The following CDKL5 variants were observed in gnomAD, a reference collection of about 807,000 sequenced individuals.
CDKL5 encodes the protein cyclin dependent kinase like 5.
Under a neutral mutation model 61.7 loss-of-function variants are expected in CDKL5, and 8 were observed. The observed-to-expected ratio is 0.13, with a 90% CI of 0.08 to 0.23. The LOEUF (loss-of-function observed/expected upper bound fraction) is 0.23. CDKL5 is among the 10% of genes least tolerant of loss of function. CDKL5 has a pLI of 1.00. For missense variants in CDKL5, 440 were observed against 734.5 expected (o/e 0.60, Z 4.63); for synonymous variants, 275 against 272.3 (o/e 1.01, Z -0.10).
intron 12 of CDKL5, among the ~76,000 whole-genome samples, chrX:18,605,887 A>G (rs1926346475): frequency 1.8e-5 from 2 of 112,214 alleles, no homozygotes; most frequent in South Asian, 7.5e-4. Flanking sequence ...GATACATGAT[A>G]ACAATGAAAT....
At chrX:18,549,847 A>T (rs1469415522) in intron 3 of CDKL5, among the ~76,000 whole-genome samples, 1 of 111,717 alleles carries the variant, frequency 9.0e-6, no homozygotes, top group Non-Finnish European at 1.9e-5. Flanking sequence ...CTCAGGGAAG[A>T]AACAGTCTTT....
downstream of CDKL5, chrX:18,641,842 C>T (rs1927585882): frequency 4.3e-6 from 2 of 468,465 alleles, no homozygotes; most frequent in African/African-American, 5.0e-5. Flanking sequence ...TCATTGAAAT[C>T]AGAAAGCTAT....
downstream of CDKL5, chrX:18,640,275 T>G: frequency 9.0e-6 from 1 of 111,148 alleles, no homozygotes; most frequent in Non-Finnish European, 1.9e-5. Flanking sequence ...TCTCGACTCC[T>G]GTGTTTGATG....
At position 18,634,018 on chromosome X, in the gene CDKL5, C is replaced by A. The variant is rs183819578; in HGVS notation, c.*5261C>A. The A allele has an allele frequency of 1.9e-5, 14 of 752,141 alleles. No individual in the cohort carries two copies. Among genetic ancestry groups the A allele is most frequent in the Middle Eastern group, 1.5e-3 (2 of 1,323 alleles). The allele number at this position is 752,141 out of a possible 1,213,427, so 62.0% of individuals were successfully genotyped here. On this transcript the variant is annotated 3_prime_UTR_variant, in exon 18 of 18. Transcript: ENST00000623535. The stretch of plus-strand genomic sequence containing the variant: ...TGGATTTGTAGGGCCAGCAAAATTG[C>A]GGCAGTGAAACTAGTTTCACTTCTA...
At chrX:18,602,889 G>A (rs948655969) in intron 11 of CDKL5, among the ~76,000 whole-genome samples, 2 of 112,066 alleles carry the variant, frequency 1.8e-5, no homozygotes, top group African/African-American at 6.5e-5. Flanking sequence ...TGAATGCATA[G>A]TAAAACCAGA....
chrX:18,588,601 T>C (rs778366795), intron 9 of CDKL5: 1 of 132,804 alleles, frequency 7.5e-6, no homozygotes, highest in South Asian at 2.2e-4. Context: ...AAACATCAAA[T>C]CTTCTTTTCA....
intron 5 of CDKL5, among the ~76,000 whole-genome samples, chrX:18,576,220 A>G (rs1343447474): frequency 9.0e-6 from 1 of 111,478 alleles, no homozygotes; most frequent in Non-Finnish European, 1.9e-5. Context: ...CTTGAGCCTC[A>G]GGAGTTTGAG....
At chrX:18,508,537 A>G (rs939233512) in intron 2 of CDKL5, among the ~76,000 whole-genome samples, 5 of 111,426 alleles carry the variant, frequency 4.5e-5, no homozygotes, top group Non-Finnish European at 7.5e-5. Flanking sequence ...AAAGCTGCTG[A>G]CTGGAGAAGG....
At chrX:18,651,752 C>G (rs1033289888) in intron 21 of CDKL5, among the ~76,000 whole-genome samples, 2 of 112,059 alleles carry the variant, frequency 1.8e-5, no homozygotes, top group African/African-American at 6.5e-5. Context: ...TTTCTTCTAA[C>G]GTGGAAAAAT....
intron 3 of CDKL5, among the ~76,000 whole-genome samples, chrX:18,531,298 G>A (rs188258905): frequency 3.7e-4 from 42 of 112,404 alleles, no homozygotes; most frequent in Non-Finnish European, 2.3e-4. Flanking sequence ...TAAAAGAAGA[G>A]GAGATTTTTA....
intron 7 of CDKL5, among the ~76,000 whole-genome samples, chrX:18,583,204 G>C (rs1462732004): frequency 9.0e-6 from 1 of 111,357 alleles, no homozygotes. Flanking sequence ...GTTAGTAGTA[G>C]GAAGAGTACT....
chrX:18,640,262 C>G (rs1294568439), downstream of CDKL5: 1 of 111,296 alleles, frequency 9.0e-6, no homozygotes, highest in Non-Finnish European at 1.9e-5. Flanking sequence ...CTGAACTGCA[C>G]TCTCTCGACT....
chrX:18,650,491 G>C (rs752120798), exon 21 of CDKL5: 2 of 1,211,932 alleles, frequency 1.7e-6, no homozygotes, highest in East Asian at 5.9e-5. Context: ...CCAATCTCCA[G>C]TCCTGCTCCC....
In CDKL5 at chrX:18,564,526, GATATATATATATATATATATATATCTGT is replaced by G; in HGVS notation, c.145+11_145+38del. 1.6e-6 allele frequency: 1 copy of G among 608,155 alleles called. No homozygotes were observed. The highest frequency in any genetic ancestry group is 2.5e-6 in the Non-Finnish European group (1 of 406,244). The allele number at this position is 608,155 out of a possible 1,213,427, so 50.1% of individuals were successfully genotyped here. A position where few individuals can be genotyped will look rare whatever the true frequency, so the allele number is the denominator to read the frequency against. ...AAGAAATTCAAGGACAGTGAAGGTA[GATATATATATATATATATATATATCTGT>G]ATATATGTATTTTTCCTTCTGTATA... On this transcript the variant is annotated splice_donor_5th_base_variant and intron_variant, in intron 4 of 17. Transcript: ENST00000623535.
intron 11 of CDKL5, among the ~76,000 whole-genome samples, chrX:18,599,855 G>A (rs962933607): frequency 3.6e-5 from 4 of 111,660 alleles, no homozygotes; most frequent in Non-Finnish European, 7.5e-5. Context: ...TCTTTTTTGA[G>A]ACAGTGTCTT....
At chrX:18,628,155 A>G (rs186761335) in intron 17 of CDKL5, among the ~76,000 whole-genome samples, 267 of 111,914 alleles carry the variant, frequency 2.4e-3, no homozygotes, top group Non-Finnish European at 4.1e-3. Flanking sequence ...TACCAGCTCT[A>G]TATGTCTTAT....
At chrX:18,571,224 G>A (rs1432451249) in intron 4 of CDKL5, among the ~76,000 whole-genome samples, 1 of 111,108 alleles carries the variant, frequency 9.0e-6, no homozygotes, top group Non-Finnish European at 1.9e-5. Flanking sequence ...ATACTATGCC[G>A]CCTTGCCGTT....
At chrX:18,562,515 C>T (rs889958333) in intron 3 of CDKL5, among the ~76,000 whole-genome samples, 1 of 111,753 alleles carries the variant, frequency 8.9e-6, no homozygotes, top group African/African-American at 3.2e-5. Context: ...GAAAATATAC[C>T]AAAATATTAA....
intron 1 of CDKL5, among the ~76,000 whole-genome samples, chrX:18,456,927 A>G (rs1276627004): frequency 9.0e-6 from 1 of 111,078 alleles, no homozygotes. Context: ...ATGCTTTTCT[A>G]TCTTCTACAT....
Sources: allele counts gnomAD v4.1 joint callset (sites outside exome capture counted in the v4.1 genomes callset), GRCh38; gene constraint gnomAD v4.1.1; transcripts MANE v1.5; gene names NCBI Gene and HGNC (gene_info 2026-07-23, HGNC 2026-07-21).